FHIT: variants seen among roughly 807,000 people sequenced by gnomAD.
The protein encoded by FHIT is bis(5'-adenosyl)-triphosphatase.
Under a neutral mutation model 17.9 loss-of-function variants are expected in FHIT, and 19 were observed. That is an observed-to-expected ratio of 1.06 (90% CI 0.74 to 1.56). The LOEUF (loss-of-function observed/expected upper bound fraction) is 1.56, where lower values mean the gene tolerates loss of function less well. Among genes scored for constraint, FHIT ranks in the 40% most tolerant of loss-of-function variants. The probability of loss-of-function intolerance (pLI) is 0.00; values close to 1 mark genes in which losing one functional copy is unlikely to be tolerated. For synonymous variants in FHIT, 81 were observed against 69.7 expected (o/e 1.16, Z -0.81); for missense variants, 248 against 189.2 (o/e 1.31, Z -1.82).
chr3:60,829,947 G>A (rs2736748), intron 3 of FHIT, among the ~76,000 whole-genome samples: 32,500 of 150,078 alleles, frequency 0.22, 3,716 homozygotes, highest in Middle Eastern at 0.29. Context: ...CTCCCTTTCT[G>A]TACCAGGAAG....
At chr3:60,927,575 G>A (rs1553770330) in intron 3 of FHIT, among the ~76,000 whole-genome samples, 1 of 151,774 alleles carries the variant, frequency 6.6e-6, no homozygotes, top group African/African-American at 2.4e-5. Flanking sequence ...TCTGGGATGT[G>A]GGGAGCGCCT....
chr3:60,072,067 CT>C (rs58753924), intron 5 of FHIT, among the ~76,000 whole-genome samples: 12,278 of 152,040 alleles, frequency 0.081, 622 homozygotes, highest in African/African-American at 0.15. Flanking sequence ...TGAGAACAGA[CT>C]AATACAGGTA....
At chr3:60,137,380 C>CA (rs1376700585) in intron 5 of FHIT, among the ~76,000 whole-genome samples, 5 of 152,310 alleles carry the variant, frequency 3.3e-5, no homozygotes, top group Non-Finnish European at 7.4e-5. Flanking sequence ...TAAAGCCCCT[C>CA]AGTGAGACAG....
chr3:60,061,966 T>C (rs1258546328), intron 5 of FHIT, among the ~76,000 whole-genome samples: 1 of 152,098 alleles, frequency 6.6e-6, no homozygotes, highest in Non-Finnish European at 1.5e-5. Context: ...AAGACTGACT[T>C]ACTGCTAGAA....
chr3:60,091,314 G>A (rs12636241), intron 5 of FHIT, among the ~76,000 whole-genome samples: 1 of 152,222 alleles, frequency 6.6e-6, no homozygotes, highest in East Asian at 1.9e-4. Flanking sequence ...TTATAAAGAG[G>A]AAGGGTCTTT....
chr3:60,455,188 C>G (rs2032011870), intron 5 of FHIT, among the ~76,000 whole-genome samples: 2 of 152,206 alleles, frequency 1.3e-5, no homozygotes, highest in South Asian at 2.1e-4. Context: ...CCACTACAGT[C>G]AGATGTTAAA....
intron 5 of FHIT, among the ~76,000 whole-genome samples, chr3:60,093,332 G>A (rs73831584): frequency 6.6e-6 from 1 of 152,040 alleles, no homozygotes; most frequent in Non-Finnish European, 1.5e-5. Flanking sequence ...ATAATGGGAC[G>A]AAACCATCTC....
intron 8 of FHIT, among the ~76,000 whole-genome samples, chr3:59,859,376 A>T (rs1445949563): frequency 6.6e-6 from 1 of 152,192 alleles, no homozygotes; most frequent in Non-Finnish European, 1.5e-5. Context: ...CAGGAAAAAA[A>T]GACCTATACT....
chr3:60,578,956 C>A (rs2037664485), intron 4 of FHIT, among the ~76,000 whole-genome samples: 1 of 152,084 alleles, frequency 6.6e-6, no homozygotes, highest in Non-Finnish European at 1.5e-5. Context: ...AGTAAACACT[C>A]ACAAGAAAAA....
chr3:59,959,990 A>G (rs1176573059), intron 7 of FHIT, among the ~76,000 whole-genome samples: 1 of 152,192 alleles, frequency 6.6e-6, no homozygotes, highest in Admixed American at 6.5e-5. Flanking sequence ...AGGAGCTATG[A>G]GCCAGAGCAC....
At chr3:60,591,993 T>C (rs1553664494) in intron 4 of FHIT, among the ~76,000 whole-genome samples, 1 of 151,834 alleles carries the variant, frequency 6.6e-6, no homozygotes, top group African/African-American at 2.4e-5. Context: ...TCCAGTGTGT[T>C]TCAGAATTTA....
intron 2 of FHIT, among the ~76,000 whole-genome samples, chr3:61,152,099 A>C (rs2037411308): frequency 6.6e-6 from 1 of 152,180 alleles, no homozygotes; most frequent in Admixed American, 6.5e-5. Flanking sequence ...TATAAAGTTC[A>C]AAAGAGGGCA....
At chr3:60,785,536 G>T (rs1438542276) in intron 4 of FHIT, among the ~76,000 whole-genome samples, 2 of 152,158 alleles carry the variant, frequency 1.3e-5, no homozygotes, top group African/African-American at 4.8e-5. Context: ...CTGGCTCTCT[G>T]CTGTGTCTGA....
At chr3:60,581,265 G>A (rs1553659626) in intron 4 of FHIT, among the ~76,000 whole-genome samples, 1 of 152,114 alleles carries the variant, frequency 6.6e-6, no homozygotes, top group Non-Finnish European at 1.5e-5. Flanking sequence ...TAAGAAAATG[G>A]AGATTTAAAG....
chr3:60,167,566 T>C (rs1201628663), intron 5 of FHIT, among the ~76,000 whole-genome samples: 1 of 152,126 alleles, frequency 6.6e-6, no homozygotes, highest in Non-Finnish European at 1.5e-5. Flanking sequence ...TTGCAATAAT[T>C]GTGAAGGAAG....
At chr3:60,160,590 C>T (rs1200908310) in intron 5 of FHIT, among the ~76,000 whole-genome samples, 1 of 152,086 alleles carries the variant, frequency 6.6e-6, no homozygotes, top group Non-Finnish European at 1.5e-5. Flanking sequence ...TTTACACAAT[C>T]GAGTAGAGAA....
At chr3:60,426,632 A>T (rs985554855) in intron 5 of FHIT, among the ~76,000 whole-genome samples, 5 of 151,804 alleles carry the variant, frequency 3.3e-5, no homozygotes, top group African/African-American at 9.7e-5. Context: ...TCTAAATCCA[A>T]CTCCCATTTC....
At chr3:60,782,237 G>GTGTGTGTATATATATATATATA (rs1553725880) in intron 4 of FHIT, among the ~76,000 whole-genome samples, 2 of 95,534 alleles carry the variant, frequency 2.1e-5, no homozygotes, top group African/African-American at 7.1e-5. Context: ...GTGTGTGTGT[G>GTGTGTGTATATATATATATATA]TATATATATA....
intron 5 of FHIT, among the ~76,000 whole-genome samples, chr3:60,424,711 T>C (rs1294053133): frequency 1.3e-5 from 2 of 152,170 alleles, no homozygotes; most frequent in Admixed American, 6.6e-5. Flanking sequence ...AATATCTTGA[T>C]GCTTACCTCA....
Sources: gnomAD v4.1 joint callset for allele counts (sites outside exome capture counted in the v4.1 genomes callset) on GRCh38, gnomAD v4.1.1 for gene constraint, MANE v1.5 for transcripts, NCBI Gene and HGNC (gene_info 2026-07-23, HGNC 2026-07-21) for gene names.